The following EYA4 variants were observed in gnomAD, a reference collection of about 807,000 sequenced individuals.
The protein encoded by EYA4 is protein phosphatase EYA4.
A neutral mutation model predicts 87.9 loss-of-function variants in EYA4; 31 were observed. The ratio of observed to expected loss-of-function variants is 0.35; its 90% CI spans 0.27 to 0.48. EYA4 has a LOEUF of 0.48. Ranked by LOEUF, EYA4 falls within the 20% of genes least tolerant of loss-of-function variation. The pLI, the probability that EYA4 is intolerant of heterozygous loss-of-function variation, is 0.99. For synonymous variants in EYA4, 263 were observed against 270.6 expected, an observed-to-expected ratio of 0.97 and a Z score of 0.28; for missense variants, 678 against 761.4, an observed-to-expected ratio of 0.89 and a Z score of 1.29.
intron 13 of EYA4, among the ~76,000 whole-genome samples, chr6:133,494,840 A>AAAAT (rs145234672): frequency 0.092 from 13,920 of 151,772 alleles, 1,265 homozygotes; most frequent in African/African-American, 0.22. Flanking sequence ...GTCAGAGTAA[A>AAAAT]AAATAAATAA....
At position 133,448,485 on chromosome 6, in the gene EYA4, CCAA is replaced by C. The variant is rs552691887; in HGVS notation, c.277+311_277+313del. On this transcript the variant is annotated intron_variant, in intron 5 of 19. Transcript: ENST00000355286. The stretch of plus-strand genomic sequence containing the variant: ...CAGTTTATTACATGATTAATTTTGC[CCAA>C]CAACTGCCATGTCAAACAGCAATTG... Among the ~76,000 whole-genome samples, 132 of 151,928 alleles carry C rather than the reference CCAA, an allele frequency of 8.7e-4. 1 individual carries two copies. The highest frequency in any genetic ancestry group is 1.6e-3 in the Non-Finnish European group (108 of 67,986).
At chr6:133,524,510 A>T (rs535498583) in intron 18 of EYA4, among the ~76,000 whole-genome samples, 9 of 152,284 alleles carry the variant, frequency 5.9e-5, no homozygotes, top group South Asian at 2.1e-4. Flanking sequence ...TGTTGTCAGT[A>T]CTGTGGCCCA....
chr6:133,273,295 G>A (rs1032416976), intron 1 of EYA4, among the ~76,000 whole-genome samples: 4 of 151,854 alleles, frequency 2.6e-5, no homozygotes, highest in Admixed American at 1.3e-4. Context: ...AGCTAGGCCC[G>A]TCTCTTTTTT....
chr6:133,337,308 G>C (rs1372858172), intron 2 of EYA4, among the ~76,000 whole-genome samples: 1 of 152,162 alleles, frequency 6.6e-6, no homozygotes, highest in Non-Finnish European at 1.5e-5. Context: ...TAGGATGAGA[G>C]AGAGAAGCAC....
At chr6:133,360,450 G>A (rs1055025581) in intron 2 of EYA4, 3 of 152,248 alleles carry the variant, frequency 2.0e-5, no homozygotes, top group African/African-American at 7.2e-5. Context: ...GGTAGGAAAA[G>A]AGAATGACAT....
chr6:133,289,946 G>A (rs940574185), intron 2 of EYA4, among the ~76,000 whole-genome samples: 1 of 152,068 alleles, frequency 6.6e-6, no homozygotes, highest in Non-Finnish European at 1.5e-5. Context: ...AAAATGAAAG[G>A]GCAAACACTC....
intron 3 of EYA4, among the ~76,000 whole-genome samples, chr6:133,435,728 G>T (rs567191508): frequency 6.6e-6 from 1 of 152,250 alleles, no homozygotes; most frequent in South Asian, 2.1e-4. Flanking sequence ...CACAGCAGTG[G>T]CATGTCCTAC....
intron 1 of EYA4, among the ~76,000 whole-genome samples, chr6:133,253,772 A>G (rs138750382): frequency 6.6e-6 from 1 of 152,136 alleles, no homozygotes; most frequent in East Asian, 1.9e-4. Context: ...ATACCATAGC[A>G]CTTTTTTTGG....
At chr6:133,261,058 T>C (rs1775763340) in intron 1 of EYA4, among the ~76,000 whole-genome samples, 1 of 152,246 alleles carries the variant, frequency 6.6e-6, no homozygotes, top group African/African-American at 2.4e-5. Context: ...GTTATATTCA[T>C]ATAGTTCCTT....
intron 6 of EYA4, among the ~76,000 whole-genome samples, chr6:133,458,200 AAGGT>A (rs1197894667): frequency 6.6e-6 from 1 of 152,224 alleles, no homozygotes; most frequent in Non-Finnish European, 1.5e-5. Context: ...GCTGTCCAGT[AAGGT>A]AGCCACCAGT....
intron 1 of EYA4, among the ~76,000 whole-genome samples, chr6:133,262,359 A>G (rs1209761269): frequency 1.3e-5 from 2 of 152,254 alleles, no homozygotes; most frequent in Non-Finnish European, 2.9e-5. Context: ...AATGCTCAGC[A>G]GAATAATTTC....
At chr6:133,454,089 A>G (rs1183640206) in intron 5 of EYA4, among the ~76,000 whole-genome samples, 1 of 152,122 alleles carries the variant, frequency 6.6e-6, no homozygotes, top group Non-Finnish European at 1.5e-5. Flanking sequence ...ACTAATCTTC[A>G]TGTCTGGCTT....
Position 133,356,059 on chromosome 6 carries a change from G to GAGAGAA in EYA4, c.34-26328_34-26327insAAGAGA, listed in dbSNP as rs1045963137. On this transcript the variant is annotated intron_variant, in intron 2 of 19. Coordinates refer to ENST00000355286, the MANE Select transcript of EYA4 (RefSeq NM_004100.5). ...AGAGAGAAAGAGAGAAAGAGAGAAAGAGAGAGAGAGAGAGAGAGAGAAAAG... is the reference window on the plus strand; with the variant it reads ...AGAGAGAAAGAGAGAAAGAGAGAAAGAGAGAAAGAGAGAGAGAGAGAGAGAGAAAAG... Among the ~76,000 whole-genome samples the GAGAGAA allele has an allele frequency of 1.4e-4, 7 of 50,550 alleles. No homozygotes were observed. In the East Asian group the frequency reaches 3.7e-3, roughly 27 times the overall value. The allele number at this position is 50,550 out of a possible 152,430, so 33.2% of individuals were successfully genotyped here.
intron 4 of EYA4, among the ~76,000 whole-genome samples, chr6:133,447,853 A>C (rs982212511): frequency 2.0e-5 from 3 of 152,242 alleles, no homozygotes; most frequent in African/African-American, 7.2e-5. Flanking sequence ...AGTAAGGTAC[A>C]TTTAAACCTT....
At chr6:133,501,054 C>G (rs1798074251) in intron 13 of EYA4, among the ~76,000 whole-genome samples, 4 of 152,122 alleles carry the variant, frequency 2.6e-5, no homozygotes, top group Admixed American at 2.0e-4. Context: ...CACACACAGA[C>G]TCCTCACCTC....
intron 13 of EYA4, among the ~76,000 whole-genome samples, chr6:133,501,058 T>A (rs1798074817): frequency 6.6e-6 from 1 of 152,136 alleles, no homozygotes; most frequent in African/African-American, 2.4e-5. Flanking sequence ...CACAGACTCC[T>A]CACCTCTGGG....
In EYA4 at chr6:133,241,594, G is replaced by C. The variant is rs1773944724; in HGVS notation, c.-221G>C. On this transcript the variant is annotated 5_prime_UTR_variant, in exon 1 of 20. Transcript: ENST00000355286. Reference sequence around the variant, plus strand: ...CCCGCTTGTGTACGCTATTTGTTGTGGGGTGGCCGAAGGGGATGTCCTGTT... The same window carrying C: ...CCCGCTTGTGTACGCTATTTGTTGTCGGGTGGCCGAAGGGGATGTCCTGTT... The C allele has an allele frequency of 6.6e-6, 1 of 152,204 alleles. No homozygotes were observed. Among genetic ancestry groups the C allele is most frequent in the Non-Finnish European group, 1.5e-5 (1 of 68,166 alleles). The allele number at this position is 152,204 out of a possible 1,614,324, so 9.4% of individuals were successfully genotyped here.
At chr6:133,482,999 T>G in intron 12 of EYA4, 33 bp from the exon 13 acceptor site, 2 of 1,569,670 alleles carry the variant, frequency 1.3e-6, no homozygotes, top group Non-Finnish European at 1.8e-6. Flanking sequence ...CCTTGGACTT[T>G]TTAATTTTCT....
At chr6:133,505,360 G>A (rs1271120844) in intron 13 of EYA4, among the ~76,000 whole-genome samples, 1 of 152,060 alleles carries the variant, frequency 6.6e-6, no homozygotes, top group Non-Finnish European at 1.5e-5. Context: ...CTTGGTTTCT[G>A]TAAACAAAAA....
Sources: allele counts gnomAD v4.1 joint callset (sites outside exome capture counted in the v4.1 genomes callset), GRCh38; gene constraint gnomAD v4.1.1; transcripts MANE v1.5; gene names NCBI Gene and HGNC (gene_info 2026-07-23, HGNC 2026-07-21).